Variants in NCR1 observed in about 807,000 individuals in gnomAD.
NCR1 encodes the protein natural cytotoxicity triggering receptor 1.
Under a neutral mutation model 32.5 loss-of-function variants are expected in NCR1, and 30 were observed. The observed-to-expected ratio is 0.92, with a 90% CI of 0.69 to 1.25. The LOEUF is 1.25. Ranked by LOEUF, NCR1 falls within the 50% of genes most tolerant of loss-of-function variation. The pLI, the probability that NCR1 is intolerant of heterozygous loss-of-function variation, is 0.00. For missense variants in NCR1, 369 were observed against 380.7 expected (o/e 0.97, Z 0.26); for synonymous variants, 169 against 143.4 (o/e 1.18, Z -1.28).
chr19:54,934,786 T>C, the NCR1 span: 6 of 734,040 alleles, frequency 8.2e-6, no homozygotes, highest in Non-Finnish European at 6.6e-6. This position sits in a 1 kb window ranked among gnomAD's most constrained non-coding sequence, Gnocchi z 6.7. Context: ...CTCACCTCAC[T>C]GCAGCCTCCG....
Position 54,912,958 on chromosome 19 carries a change from G to A in NCR1, c.*87G>A. 1 of 1,308,344 alleles carries A rather than the reference G, an allele frequency of 7.6e-7. No individual in the cohort carries two copies. The highest frequency in any genetic ancestry group is 1.0e-6 in the Non-Finnish European group (1 of 953,266). 81.0% of individuals were successfully genotyped at this position (1,308,344 alleles called of 1,614,324 possible). ...GCGTGAGCTCTGTGTTGGACCCACGGAGGAGGGAGTCACTGCAGGGAAAGA... is the reference window on the plus strand; with the variant it reads ...GCGTGAGCTCTGTGTTGGACCCACGAAGGAGGGAGTCACTGCAGGGAAAGA... On this transcript the variant is annotated 3_prime_UTR_variant, in exon 7 of 7. Coordinates refer to ENST00000291890, the MANE Select transcript of NCR1 (RefSeq NM_004829.7).
chr19:54,930,102 C>T, the NCR1 span, among the ~76,000 whole-genome samples: 7 of 117,790 alleles, frequency 5.9e-5, no homozygotes, highest in South Asian at 2.9e-4. Flanking sequence ...GCAACTAGAA[C>T]GAGGCTCCGT....
At chr19:54,910,125 A>C in intron 5 of NCR1, 60 bp downstream of exon 5, 2 of 1,517,184 alleles carry the variant, frequency 1.3e-6, no homozygotes, top group Non-Finnish European at 1.8e-6. Flanking sequence ...TGACACTAAA[A>C]ACGTGGCATT....
At chr19:54,900,956 A>G in the NCR1 span, among the ~76,000 whole-genome samples, 1 of 151,968 alleles carries the variant, frequency 6.6e-6, no homozygotes, top group Non-Finnish European at 1.5e-5. Flanking sequence ...ATTGTATGGC[A>G]TGTAAATTAT....
the NCR1 span, among the ~76,000 whole-genome samples, chr19:54,937,094 T>A: frequency 4.6e-5 from 7 of 151,366 alleles, no homozygotes; most frequent in East Asian, 9.7e-4. Flanking sequence ...GGCGGGCGCC[T>A]GTAGTCCCAG....
At chr19:54,900,378 G>A in the NCR1 span, among the ~76,000 whole-genome samples, 1 of 152,154 alleles carries the variant, frequency 6.6e-6, no homozygotes, top group African/African-American at 2.4e-5. Context: ...TGGCGGGCAG[G>A]AGTGGGGTTC....
the NCR1 span, among the ~76,000 whole-genome samples, chr19:54,934,954 A>C: frequency 8.5e-5 from 13 of 152,138 alleles, no homozygotes; most frequent in African/African-American, 2.2e-4. The surrounding 1 kb of genome is among the most constrained non-coding windows in gnomAD (Gnocchi z 6.7). Flanking sequence ...ACCTTGGCCT[A>C]CCGAAGTACT....
chr19:54,937,784 C>A, the NCR1 span, among the ~76,000 whole-genome samples: 1 of 151,166 alleles, frequency 6.6e-6, no homozygotes, highest in African/African-American at 2.4e-5. Flanking sequence ...GTAATCCCAG[C>A]TACTCGGGAG....
the NCR1 span, chr19:54,933,535 T>G: frequency 6.2e-7 from 1 of 1,608,072 alleles, no homozygotes; most frequent in African/African-American, 1.3e-5. Flanking sequence ...CTTGAATTCA[T>G]GTGCACACAC....
chr19:54,922,917 C>T, the NCR1 span, among the ~76,000 whole-genome samples: 1 of 150,722 alleles, frequency 6.6e-6, no homozygotes, highest in Admixed American at 6.6e-5. Context: ...GACACAGAGA[C>T]AGAGAGACAA....
At chr19:54,933,626 C>A in the NCR1 span, 1 of 1,614,174 alleles carries the variant, frequency 6.2e-7, no homozygotes, top group East Asian at 2.2e-5. Context: ...AAACTTCACC[C>A]CTGTATCCCC....
chr19:54,932,696 C>T, the NCR1 span, among the ~76,000 whole-genome samples: 2 of 152,122 alleles, frequency 1.3e-5, no homozygotes, highest in East Asian at 3.9e-4. Flanking sequence ...CACTCTGTCG[C>T]CCGGGCTGGA....
chr19:54,903,352 A>ATACATGTATATATACATGTATG (rs2067344472), upstream of NCR1, among the ~76,000 whole-genome samples: 1 of 114,420 alleles, frequency 8.7e-6, no homozygotes, highest in African/African-American at 3.7e-5. Flanking sequence ...ACATATATGC[A>ATACATGTATATATACATGTATG]TATATACATA....
At chr19:54,913,160 A>G (rs550316169), downstream of NCR1, 1 of 228,424 alleles carries the variant, frequency 4.4e-6, no homozygotes, top group Admixed American at 5.6e-5. Flanking sequence ...CCTCGGGTTC[A>G]AGTGATTCTC....
intron 4 of NCR1, 48 bp from the exon 5 acceptor site, chr19:54,909,970 G>A (rs764438991): frequency 2.7e-5 from 37 of 1,380,420 alleles, no homozygotes; most frequent in South Asian, 1.1e-4. Flanking sequence ...TGGCAAGACC[G>A]GAGGAAACCA....
downstream of NCR1, among the ~76,000 whole-genome samples, chr19:54,918,661 C>T (rs2068182027): frequency 6.6e-6 from 1 of 151,878 alleles, no homozygotes; most frequent in East Asian, 1.9e-4. Flanking sequence ...CTTTGTGTAC[C>T]AACAGCTTAG....
At chr19:54,930,365 G>C in the NCR1 span, 12 of 681,710 alleles carry the variant, frequency 1.8e-5, no homozygotes, top group Admixed American at 1.1e-4. Context: ...AGGAGGCTGA[G>C]GTGGGAGAAC....
intron 3 of NCR1, among the ~76,000 whole-genome samples, chr19:54,908,519 G>T (rs1028207260): frequency 1.3e-5 from 2 of 152,148 alleles, no homozygotes; most frequent in African/African-American, 4.8e-5. Context: ...CCCAGACGGG[G>T]TGGCGGCCGG....
chr19:54,903,396 G>GCA (rs1569535583), upstream of NCR1, among the ~76,000 whole-genome samples: 3,510 of 134,738 alleles, frequency 0.026, 89 homozygotes, highest in African/African-American at 0.084. Context: ...ATACATATAT[G>GCA]TATATGTATG....
Sources: gnomAD v4.1 joint callset for allele counts (sites outside exome capture counted in the v4.1 genomes callset) on GRCh38, gnomAD v4.1.1 for gene constraint, Gnocchi (gnomAD v3.1) non-coding constraint, MANE v1.5 for transcripts, NCBI Gene and HGNC (gene_info 2026-07-23, HGNC 2026-07-21) for gene names.